Variants in ATXN7L1 observed in about 807,000 individuals in gnomAD.
ATXN7L1 encodes ataxin-7-like protein 1.
A neutral mutation model predicts 70.8 loss-of-function variants in ATXN7L1; 15 were observed. The ratio of observed to expected loss-of-function variants is 0.21; its 90% CI spans 0.14 to 0.33. The LOEUF (loss-of-function observed/expected upper bound fraction) is 0.33, where lower values mean the gene tolerates loss of function less well. Ranked by LOEUF, ATXN7L1 falls within the 10% of genes least tolerant of loss-of-function variation. The probability of loss-of-function intolerance (pLI) is 1.00; values close to 1 mark genes in which losing one functional copy is unlikely to be tolerated. For synonymous variants in ATXN7L1, 440 were observed against 445.1 expected, an observed-to-expected ratio of 0.99 and a Z score of 0.14; for missense variants, 975 against 1,097.1, an observed-to-expected ratio of 0.89 and a Z score of 1.57.
chr7:105,709,675 G>C (rs1793638900), intron 3 of ATXN7L1, among the ~76,000 whole-genome samples: 1 of 152,034 alleles, frequency 6.6e-6, no homozygotes, highest in Non-Finnish European at 1.5e-5. Context: ...ATTCTTTCTG[G>C]TGGAAATCAC....
chr7:105,676,732 C>T (rs1472795663), intron 3 of ATXN7L1, among the ~76,000 whole-genome samples: 2 of 151,950 alleles, frequency 1.3e-5, no homozygotes, highest in South Asian at 2.1e-4. Context: ...CCCAGCTACT[C>T]GGGAGGCCGA....
intron 2 of ATXN7L1, among the ~76,000 whole-genome samples, chr7:105,822,678 A>G (rs1263571622): frequency 2.0e-5 from 3 of 152,182 alleles, no homozygotes; most frequent in Non-Finnish European, 2.9e-5. Context: ...TATTTTTATT[A>G]TCACTTTACA....
chr7:105,642,006 A>G (rs958036546), intron 5 of ATXN7L1, among the ~76,000 whole-genome samples: 2 of 152,194 alleles, frequency 1.3e-5, no homozygotes, highest in African/African-American at 4.8e-5. Context: ...CTGTCACTGT[A>G]TTTTACTTTC....
At chr7:105,692,149 C>T (rs982065097) in intron 3 of ATXN7L1, among the ~76,000 whole-genome samples, 4 of 151,448 alleles carry the variant, frequency 2.6e-5, no homozygotes, top group African/African-American at 9.7e-5. Context: ...GGGTAGTTTT[C>T]AGAGAGAACT....
chr7:105,665,485 T>C (rs1802476169), intron 3 of ATXN7L1, among the ~76,000 whole-genome samples, 197 bp from the exon 4 acceptor site: 1 of 152,232 alleles, frequency 6.6e-6, no homozygotes, highest in Non-Finnish European at 1.5e-5. Context: ...ATAATTATGT[T>C]CTGGGTTTCT....
intron 3 of ATXN7L1, among the ~76,000 whole-genome samples, chr7:105,769,473 A>T (rs57952850): frequency 0.062 from 9,415 of 152,176 alleles, 645 homozygotes; most frequent in East Asian, 0.3. Flanking sequence ...GTGATCAGAA[A>T]TGTGAGACAA....
intron 2 of ATXN7L1, among the ~76,000 whole-genome samples, chr7:105,873,485 C>T (rs1285582472): frequency 6.6e-6 from 1 of 152,234 alleles, no homozygotes; most frequent in African/African-American, 2.4e-5. Flanking sequence ...CAAATAAACA[C>T]CCTGTCTCAG....
At chr7:105,649,102 T>C (rs1799491319) in intron 4 of ATXN7L1, among the ~76,000 whole-genome samples, 1 of 152,230 alleles carries the variant, frequency 6.6e-6, no homozygotes, top group Non-Finnish European at 1.5e-5. Flanking sequence ...ATGTGCACAC[T>C]TCCCAAAGTC....
intron 3 of ATXN7L1, among the ~76,000 whole-genome samples, chr7:105,757,671 C>T (rs1011689421): frequency 2.0e-5 from 3 of 150,840 alleles, no homozygotes; most frequent in African/African-American, 7.3e-5. Flanking sequence ...CCTCCATCTC[C>T]GGGGCCCAAG....
intron 3 of ATXN7L1, among the ~76,000 whole-genome samples, chr7:105,719,213 G>T (rs1794912806): frequency 6.6e-6 from 1 of 152,082 alleles, no homozygotes. Flanking sequence ...CCCACTCAGC[G>T]CCCATCCCCC....
At chr7:105,704,234 C>T (rs759562897) in intron 3 of ATXN7L1, among the ~76,000 whole-genome samples, 18 of 152,172 alleles carry the variant, frequency 1.2e-4, no homozygotes, top group Non-Finnish European at 2.2e-4. Context: ...AAAGCAGAGA[C>T]GGGGTCTGTC....
chr7:105,865,862 C>T (rs1436230857), intron 2 of ATXN7L1, among the ~76,000 whole-genome samples: 1 of 152,162 alleles, frequency 6.6e-6, no homozygotes, highest in African/African-American at 2.4e-5. Context: ...CTCCCCCAGC[C>T]CCTGAATACC....
At chr7:105,790,960 T>C (rs1805139393) in intron 2 of ATXN7L1, among the ~76,000 whole-genome samples, 1 of 152,142 alleles carries the variant, frequency 6.6e-6, no homozygotes, top group Non-Finnish European at 1.5e-5. Context: ...AACACGATGG[T>C]TCCCCTGACC....
intron 3 of ATXN7L1, among the ~76,000 whole-genome samples, chr7:105,676,017 C>T (rs1804594486): frequency 1.3e-5 from 2 of 151,998 alleles, no homozygotes; most frequent in African/African-American, 2.4e-5. Flanking sequence ...CAGAGGGCTT[C>T]CTGTGCTCAG....
chr7:105,685,980 A>G (rs1021220606), intron 3 of ATXN7L1, among the ~76,000 whole-genome samples: 2 of 152,334 alleles, frequency 1.3e-5, no homozygotes, highest in East Asian at 1.9e-4. Flanking sequence ...GCAGGGGAAG[A>G]AGGAGAGGAA....
At chr7:105,673,923 C>T (rs1804192555) in intron 3 of ATXN7L1, among the ~76,000 whole-genome samples, 1 of 152,216 alleles carries the variant, frequency 6.6e-6, no homozygotes, top group Admixed American at 6.5e-5. Context: ...CAGCCTTGCT[C>T]AGCAGAGGAG....
chr7:105,644,654 A>C (rs1035652524), intron 4 of ATXN7L1, among the ~76,000 whole-genome samples: 1 of 152,272 alleles, frequency 6.6e-6, no homozygotes, highest in African/African-American at 2.4e-5. Flanking sequence ...GAGCACACCA[A>C]GATGCTAGAC....
chr7:105,652,350 C>A (rs1249288523), intron 4 of ATXN7L1, among the ~76,000 whole-genome samples: 8 of 152,160 alleles, frequency 5.3e-5, no homozygotes, highest in African/African-American at 1.9e-4. Context: ...AAATTCACAT[C>A]AATAAGGAAA....
At chr7:105,770,219 G>A (rs902284425) in intron 3 of ATXN7L1, among the ~76,000 whole-genome samples, 2 of 152,214 alleles carry the variant, frequency 1.3e-5, no homozygotes, top group African/African-American at 2.4e-5. Flanking sequence ...CATAGATGGC[G>A]TTTCTGCTCT....
Sources: allele counts gnomAD v4.1 joint callset (sites outside exome capture counted in the v4.1 genomes callset), GRCh38; gene constraint gnomAD v4.1.1; transcripts MANE v1.5; gene names NCBI Gene and HGNC (gene_info 2026-07-23, HGNC 2026-07-21).